Variants in GPATCH1 observed in about 807,000 individuals in gnomAD.
The protein encoded by GPATCH1 is G patch domain-containing protein 1.
In GPATCH1, 73 loss-of-function variants were observed where a neutral mutation model predicts 114.9. That is an observed-to-expected ratio of 0.64 (90% CI 0.53 to 0.77). The LOEUF (loss-of-function observed/expected upper bound fraction) is 0.77, where lower values mean the gene tolerates loss of function less well. GPATCH1 is among the 30% of genes least tolerant of loss of function. The pLI is 0.00. For missense variants in GPATCH1, 1,058 were observed against 1,144.3 expected, an observed-to-expected ratio of 0.92 and a Z score of 1.09; for synonymous variants, 391 against 428.4, an observed-to-expected ratio of 0.91 and a Z score of 1.08.
At position 33,110,057 on chromosome 19, in the gene GPATCH1, G is replaced by A. The variant is rs367544478; in HGVS notation, c.1585+41G>A. 40 of 1,519,206 alleles carry A rather than the reference G, an allele frequency of 2.6e-5. No individual in the cohort carries two copies. In the East Asian group the frequency reaches 6.1e-4, roughly 23 times the overall value. 94.1% of individuals were successfully genotyped at this position (1,519,206 alleles called of 1,614,324 possible). The stretch of plus-strand genomic sequence containing the variant: ...GGGTGTCCCAAATCTCGGCCCGGGC[G>A]GGGTCATATTCTCACTGTTCTCATC... On this transcript the variant is annotated intron_variant, in intron 11 of 19. Coordinates refer to ENST00000170564, the MANE Select transcript of GPATCH1 (RefSeq NM_018025.3).
At chr19:33,106,920 G>A (rs373394266) in intron 10 of GPATCH1, 21 bp downstream of exon 10, 7 of 1,562,136 alleles carry the variant, frequency 4.5e-6, no homozygotes, top group East Asian at 4.5e-5. Context: ...TGGAGAAGAC[G>A]GAAATCATTT....
At chr19:33,088,040 T>C (rs1037783628) in intron 1 of GPATCH1, 94 bp from the exon 2 acceptor site, 2 of 669,096 alleles carry the variant, frequency 3.0e-6, no homozygotes, top group African/African-American at 3.7e-5. Flanking sequence ...AAGTAAACAA[T>C]TTATGATATT....
At chr19:33,094,313 C>CTTTT in intron 5 of GPATCH1, 44 bp downstream of exon 5, 1 of 799,100 alleles carries the variant, frequency 1.3e-6, no homozygotes, top group Non-Finnish European at 2.0e-6. Flanking sequence ...CTGCAGCGTA[C>CTTTT]TTTTTTTTTT....
chr19:33,094,415 A>T, intron 5 of GPATCH1, 146 bp downstream of exon 5: 1 of 588,538 alleles, frequency 1.7e-6, no homozygotes, highest in Non-Finnish European at 3.0e-6. Context: ...GGCTCAAGTG[A>T]TCCTTCCACG....
At chr19:33,112,740 C>CGGCGACCACCG in intron 13 of GPATCH1, 127 bp downstream of exon 13, 2 of 593,922 alleles carry the variant, frequency 3.4e-6, no homozygotes, top group Non-Finnish European at 5.5e-6. Context: ...ACTGGATATA[C>CGGCGACCACCG]AAATCTACAC....
At chr19:33,093,909 G>A (rs1178442832) in intron 4 of GPATCH1, among the ~76,000 whole-genome samples, 1 of 152,160 alleles carries the variant, frequency 6.6e-6, no homozygotes, top group Non-Finnish European at 1.5e-5. Flanking sequence ...CACATGCTTA[G>A]CAAAGACTGT....
At position 33,094,274 on chromosome 19, in the gene GPATCH1, G is replaced by T; in HGVS notation, c.553+5G>T. Reference sequence around the variant, plus strand: ...GGCCACGCCGACAGAAACCTGGTGTGTATGTTAATTGATTAACTGTTATCA... The same window carrying T: ...GGCCACGCCGACAGAAACCTGGTGTTTATGTTAATTGATTAACTGTTATCA... On this transcript the variant is annotated splice_donor_5th_base_variant and intron_variant, in intron 5 of 19. Transcript: ENST00000170564. The T allele has an allele frequency of 2.1e-6, 3 of 1,451,498 alleles. No homozygotes were observed. Among genetic ancestry groups the T allele is most frequent in the Non-Finnish European group, 2.9e-6 (3 of 1,032,028 alleles). The allele number at this position is 1,451,498 out of a possible 1,614,324, so 89.9% of individuals were successfully genotyped here.
intron 12 of GPATCH1, among the ~76,000 whole-genome samples, chr19:33,112,249 A>G (rs1972863790): frequency 6.6e-6 from 1 of 152,206 alleles, no homozygotes; most frequent in Admixed American, 6.5e-5. Flanking sequence ...TACAGGCATG[A>G]GCCACCATGC....
In GPATCH1 at chr19:33,093,390, C is replaced by T. The variant is rs371631785; in HGVS notation, c.326C>T (p.Ala109Val). ...AGTGAATTTGGGATAGCACCTAAAG[C>T]GATTGTCACCACAGACGATTTTGCC... ...DLSEFGIAPK[A>V]IVTTDDFASK... Residue 109 changes from alanine to valine, a missense_variant, in exon 4 of 20, where the codon GCG becomes GTG. Ala to Val is a moderately conservative substitution (Grantham distance 64). Coordinates refer to ENST00000170564, the MANE Select transcript of GPATCH1 (RefSeq NM_018025.3). 32 of 1,612,960 alleles carry T rather than the reference C, an allele frequency of 2.0e-5. No individual in the cohort carries two copies. The highest frequency in any genetic ancestry group is 2.5e-5 in the Non-Finnish European group (29 of 1,179,146).
In GPATCH1 at chr19:33,112,533, G is replaced by T. The variant is rs1972868663; in HGVS notation, c.1812G>T (p.Gly604=). 2.5e-6 allele frequency: 4 copies of T among 1,613,974 alleles called. No homozygotes were observed. Among genetic ancestry groups the T allele is most frequent in the Non-Finnish European group, 2.5e-6 (3 of 1,179,922 alleles). ...KQSAVKMKMF[G]KLTRDTFEWH... is the part of the protein sequence containing the mutation. ...CGGCTGTGAAGATGAAGATGTTTGG[G>T]AAGCTCACCCGAGACACGTTTGAGT... Residue 604 remains glycine (G), a synonymous_variant, in exon 13 of 20, where the codon GGG becomes GGT. Coordinates refer to ENST00000170564, the MANE Select transcript of GPATCH1 (RefSeq NM_018025.3).
intron 15 of GPATCH1, among the ~76,000 whole-genome samples, chr19:33,117,587 C>T (rs928734551): frequency 6.6e-6 from 1 of 152,168 alleles, no homozygotes; most frequent in African/African-American, 2.4e-5. Context: ...AGCCACCACG[C>T]CTGGCCCGGT....
chr19:33,114,150 C>T (rs1026890479), intron 14 of GPATCH1, 103 bp from the exon 15 acceptor site: 1 of 1,152,844 alleles, frequency 8.7e-7, no homozygotes, highest in East Asian at 2.3e-5. Flanking sequence ...GTGCCAGGCC[C>T]CTAGTAGGCA....
chr19:33,105,661 T>A (rs2145321020), intron 9 of GPATCH1, among the ~76,000 whole-genome samples: 1 of 151,192 alleles, frequency 6.6e-6, no homozygotes, highest in South Asian at 2.1e-4. Context: ...GTAGCTGGGA[T>A]TACAGGCATC....
At chr19:33,091,588 C>T (rs1463993322) in intron 3 of GPATCH1, among the ~76,000 whole-genome samples, 3 of 151,912 alleles carry the variant, frequency 2.0e-5, no homozygotes, top group African/African-American at 7.3e-5. Context: ...CGCGGATTCA[C>T]CCATGATAAA....
At chr19:33,120,727 C>T (rs1599866230) in intron 17 of GPATCH1, among the ~76,000 whole-genome samples, 4 of 151,700 alleles carry the variant, frequency 2.6e-5, no homozygotes, top group African/African-American at 4.8e-5. Flanking sequence ...CGGTGGCTCA[C>T]GCCTGTCATC....
chr19:33,122,334 T>A (rs952413890), intron 17 of GPATCH1, among the ~76,000 whole-genome samples: 7 of 150,196 alleles, frequency 4.7e-5, no homozygotes, highest in African/African-American at 1.7e-4. Context: ...TTCTTTTTTT[T>A]TTTTTTTTGA....
intron 17 of GPATCH1, among the ~76,000 whole-genome samples, chr19:33,122,047 C>T (rs1477903124): frequency 1.3e-5 from 2 of 152,138 alleles, no homozygotes; most frequent in African/African-American, 4.8e-5. Flanking sequence ...GAGACAGAGT[C>T]TCACTCTGTC....
At chr19:33,099,228 AGTG>A (rs1972697261) in intron 8 of GPATCH1, among the ~76,000 whole-genome samples, 1 of 151,202 alleles carries the variant, frequency 6.6e-6, no homozygotes, top group African/African-American at 2.4e-5. Context: ...ATTTATTAAA[AGTG>A]GTGGGAGTAT....
chr19:33,109,818 A>G lies in GPATCH1; in HGVS notation c.1387A>G (p.Arg463Gly), dbSNP rs750260078. The G allele has an allele frequency of 6.8e-6, 11 of 1,613,866 alleles. 1 individual carries two copies. In the East Asian group the frequency reaches 2.0e-4, roughly 29 times the overall value. ...TDLKAAQLKA[R>G]SLAQNAQSSR... The stretch of plus-strand genomic sequence containing the variant: ...CCTGAAAGCAGCTCAGCTCAAGGCC[A>G]GGAGTCTGGCCCAGAACGCTCAGAG... The change falls in exon 11 of 20, where the codon AGG becomes GGG. Residue 463 changes from arginine to glycine, a missense_variant. Arg to Gly is a moderately radical substitution (Grantham distance 125). Around this residue, in one of 3 missense-constraint regions of GPATCH1, gnomAD observed 893 missense variants for 977.4 expected, o/e 0.91. Coordinates refer to ENST00000170564, the MANE Select transcript of GPATCH1 (RefSeq NM_018025.3).
Sources: gnomAD v4.1 joint callset for allele counts (sites outside exome capture counted in the v4.1 genomes callset) on GRCh38, gnomAD v4.1.1 for gene constraint, gnomAD v4.1.1 regional missense constraint, MANE v1.5 for transcripts, NCBI Gene and HGNC (gene_info 2026-07-23, HGNC 2026-07-21) for gene names.